SGSM1: variants seen among roughly 807,000 people sequenced by gnomAD.
SGSM1 encodes the protein RUN and TBC1 domain containing 2.
A neutral mutation model predicts 133.8 loss-of-function variants in SGSM1; 73 were observed. The ratio of observed to expected loss-of-function variants is 0.55; its 90% CI spans 0.45 to 0.66. SGSM1 has a LOEUF of 0.66. Among genes scored for constraint, SGSM1 ranks in the 30% least tolerant of loss-of-function variants. SGSM1 has a pLI of 0.00. For missense variants in SGSM1, 1,213 were observed against 1,448.1 expected (o/e 0.84, Z 2.64); for synonymous variants, 563 against 573.0 (o/e 0.98, Z 0.25).
chr22:24,842,018 C>A (rs1402599679), intron 2 of SGSM1, among the ~76,000 whole-genome samples: 1 of 152,190 alleles, frequency 6.6e-6, no homozygotes, highest in African/African-American at 2.4e-5. Flanking sequence ...TCCCCCACCC[C>A]CAATGTCTCC....
intron 2 of SGSM1, 50 bp from the exon 3 acceptor site, chr22:24,844,847 C>G (rs775186283): frequency 6.3e-7 from 1 of 1,582,110 alleles, no homozygotes; most frequent in Middle Eastern, 2.1e-4. Context: ...ATACCCAGGT[C>G]ACCTTGGTCA....
intron 2 of SGSM1, among the ~76,000 whole-genome samples, chr22:24,819,968 G>T (rs1426119289): frequency 6.6e-6 from 1 of 152,090 alleles, no homozygotes; most frequent in Non-Finnish European, 1.5e-5. Flanking sequence ...CCAAGTCTTC[G>T]TGTATCTTCC....
intron 12 of SGSM1, among the ~76,000 whole-genome samples, chr22:24,870,430 A>G (rs1191749127): frequency 6.6e-6 from 1 of 152,218 alleles, no homozygotes; most frequent in East Asian, 1.9e-4. Flanking sequence ...CCTTCCCAGG[A>G]AACTCCACAG....
At chr22:24,816,487 C>G (rs1358861658) in intron 2 of SGSM1, among the ~76,000 whole-genome samples, 1 of 129,704 alleles carries the variant, frequency 7.7e-6, no homozygotes, top group Non-Finnish European at 1.7e-5. Context: ...ACGATCTCAG[C>G]TCACTGCAAC....
intron 5 of SGSM1, among the ~76,000 whole-genome samples, chr22:24,853,860 G>A (rs561814241): frequency 8.7e-4 from 120 of 137,630 alleles, no homozygotes; most frequent in African/African-American, 2.6e-3. Flanking sequence ...CTCATGATCC[G>A]CCCACCTTGG....
intron 9 of SGSM1, among the ~76,000 whole-genome samples, chr22:24,861,958 T>TTC (rs1185720251): frequency 1.4e-5 from 2 of 140,818 alleles, no homozygotes; most frequent in African/African-American, 5.0e-5. Context: ...CTTTCTTTCT[T>TTC]TTTTTTTTTT....
chr22:24,867,389 G>A (rs1455946270), intron 10 of SGSM1, among the ~76,000 whole-genome samples: 2 of 152,220 alleles, frequency 1.3e-5, no homozygotes, highest in Admixed American at 6.5e-5. Context: ...ATGAAGTGAT[G>A]TATGTTAAGG....
At chr22:24,820,657 G>A (rs1338219366) in intron 2 of SGSM1, among the ~76,000 whole-genome samples, 3 of 152,170 alleles carry the variant, frequency 2.0e-5, no homozygotes, top group Non-Finnish European at 4.4e-5. Context: ...AAGATGGAAG[G>A]GTGTGGCAGG....
At chr22:24,907,933 A>AAAAAAAG (rs60386136) in intron 21 of SGSM1, among the ~76,000 whole-genome samples, 2,890 of 109,574 alleles carry the variant, frequency 0.026, 466 homozygotes, top group African/African-American at 0.087. Context: ...AAAAAAAAAA[A>AAAAAAAG]AAGATGTTGC....
intron 2 of SGSM1, among the ~76,000 whole-genome samples, chr22:24,832,040 C>T (rs1412089364): frequency 6.6e-6 from 1 of 152,204 alleles, no homozygotes; most frequent in African/African-American, 2.4e-5. Flanking sequence ...GGAATCCTGG[C>T]TCCCTGGCTC....
At chr22:24,884,742 C>T (rs1034692728) in intron 15 of SGSM1, among the ~76,000 whole-genome samples, 3 of 152,182 alleles carry the variant, frequency 2.0e-5, no homozygotes, top group Non-Finnish European at 4.4e-5. Flanking sequence ...CTTCCCACAG[C>T]GCATGTACAG....
At chr22:24,827,475 A>G (rs1371126782) in intron 2 of SGSM1, among the ~76,000 whole-genome samples, 2 of 151,890 alleles carry the variant, frequency 1.3e-5, no homozygotes, top group African/African-American at 4.8e-5. Flanking sequence ...CCTGACGTGG[A>G]GGGACGGGGC....
Position 24,877,983 on chromosome 22 carries a change from G to C in SGSM1, c.1430+1268G>C, listed in dbSNP as rs576303371. On this transcript the variant is annotated intron_variant, in intron 13 of 24. Transcript: ENST00000400358. ...GTGCCACCATTCCTGGCTAGTTTTT[G>C]TGTTTTTAGTAGAGATGGGGTTTCA... Among the ~76,000 whole-genome samples the C allele has an allele frequency of 2.6e-5, 4 of 151,652 alleles. No homozygotes were observed. The East Asian group carries it at 7.8e-4, about 30-fold the overall frequency.
intron 21 of SGSM1, among the ~76,000 whole-genome samples, chr22:24,911,746 ACCAGTACG>A (rs1933632431): frequency 1.3e-5 from 2 of 152,164 alleles, no homozygotes; most frequent in Admixed American, 1.3e-4. Flanking sequence ...AAAATACCTG[ACCAGTACG>A]CCTCAAAACT....
chr22:24,917,384 C>T lies in SGSM1; in HGVS notation c.2929-274C>T, dbSNP rs541535628. Among the ~76,000 whole-genome samples, 4 of 152,316 alleles carry T rather than the reference C, an allele frequency of 2.6e-5. No individual in the cohort carries two copies. In the East Asian group the frequency reaches 7.7e-4, roughly 29 times the overall value. On this transcript the variant is annotated intron_variant, in intron 22 of 24. Coordinates refer to ENST00000400358, the MANE Select transcript of SGSM1 (RefSeq NM_001098497.3). ...TATTGTCTGTCATTTTTAATTTTAA[C>T]TATCCTAGTGCGTGTGAATTGGTAT...
At chr22:24,913,050 A>G (rs905207668) in intron 22 of SGSM1, among the ~76,000 whole-genome samples, 1 of 152,106 alleles carries the variant, frequency 6.6e-6, no homozygotes, top group African/African-American at 2.4e-5. Context: ...AGCATAGTCC[A>G]CGGGCTGGCA....
At chr22:24,812,340 T>C (rs1927802502) in intron 2 of SGSM1, among the ~76,000 whole-genome samples, 2 of 152,224 alleles carry the variant, frequency 1.3e-5, no homozygotes, top group South Asian at 4.1e-4. Context: ...TCTCTTTCCA[T>C]GATAGATGAG....
At chr22:24,915,208 G>A (rs1256386939) in intron 22 of SGSM1, among the ~76,000 whole-genome samples, 1 of 150,608 alleles carries the variant, frequency 6.6e-6, no homozygotes, top group Non-Finnish European at 1.5e-5. Context: ...CAGCCTGGGC[G>A]ACAGAGCGAG....
chr22:24,856,053 C>T (rs1930768843), intron 8 of SGSM1: 1 of 404,002 alleles, frequency 2.5e-6, no homozygotes, highest in African/African-American at 2.0e-5. Flanking sequence ...CTCCATCTAT[C>T]CATCCATCCA....
Sources: gnomAD v4.1 joint callset for allele counts (sites outside exome capture counted in the v4.1 genomes callset) on GRCh38, gnomAD v4.1.1 for gene constraint, MANE v1.5 for transcripts, NCBI Gene and HGNC (gene_info 2026-07-23, HGNC 2026-07-21) for gene names.